The following NCAM2 variants were observed in gnomAD, a reference collection of about 807,000 sequenced individuals.
The protein encoded by NCAM2 is neural cell adhesion molecule 2, also known as N-CAM-2.
A neutral mutation model predicts 98.1 loss-of-function variants in NCAM2; 30 were observed. The observed-to-expected ratio is 0.31, with a 90% CI of 0.23 to 0.41. The LOEUF is 0.41. Among genes scored for constraint, NCAM2 ranks in the 10% least tolerant of loss-of-function variants. NCAM2 has a pLI of 1.00. For missense variants in NCAM2, 867 were observed against 1,005.8 expected, an observed-to-expected ratio of 0.86 and a Z score of 1.87; for synonymous variants, 368 against 342.4, an observed-to-expected ratio of 1.07 and a Z score of -0.83.
chr21:21,406,373 T>C (rs1465459745), intron 9 of NCAM2, among the ~76,000 whole-genome samples: 1 of 152,084 alleles, frequency 6.6e-6, no homozygotes, highest in Non-Finnish European at 1.5e-5. Flanking sequence ...CACAATTGTG[T>C]TGAATGAAGA....
intron 1 of NCAM2, among the ~76,000 whole-genome samples, chr21:21,171,171 C>T (rs931962320): frequency 1.3e-5 from 2 of 152,140 alleles, no homozygotes; most frequent in Non-Finnish European, 2.9e-5. Context: ...GGGATTATTA[C>T]TATTAAGCAG....
intron 1 of NCAM2, among the ~76,000 whole-genome samples, chr21:21,244,313 G>T (rs1038614257): frequency 1.3e-5 from 2 of 152,060 alleles, no homozygotes; most frequent in Non-Finnish European, 2.9e-5. Flanking sequence ...GTAGTAACTG[G>T]AAATGTTTAT....
At chr21:21,011,910 G>A (rs181188822) in intron 1 of NCAM2, among the ~76,000 whole-genome samples, 24 of 152,218 alleles carry the variant, frequency 1.6e-4, no homozygotes, top group Admixed American at 3.3e-4. Flanking sequence ...TCAAGGAAAT[G>A]CAAATTAAAA....
At chr21:21,127,350 G>A (rs549472437) in intron 1 of NCAM2, among the ~76,000 whole-genome samples, 211 of 151,844 alleles carry the variant, frequency 1.4e-3, no homozygotes, top group Non-Finnish European at 2.3e-3. Context: ...ATAATTGTAC[G>A]TACTTATGCA....
Position 21,530,186 on chromosome 21 carries a change from T to G in NCAM2, c.2283-4351T>G, listed in dbSNP as rs1276840015. ...TAATTTAATTTAATTATATATGATT[T>G]AATTTAATTTAATTATATATAATTT... On this transcript the variant is annotated intron_variant, in intron 16 of 17. Coordinates refer to ENST00000400546, the MANE Select transcript of NCAM2 (RefSeq NM_004540.5). Among the ~76,000 whole-genome samples the G allele has an allele frequency of 3.3e-4, 37 of 110,664 alleles. 2 individuals carry two copies. Among genetic ancestry groups the G allele is most frequent in the African/African-American group, 1.3e-3 (34 of 25,472 alleles). The allele number at this position is 110,664 out of a possible 152,430, so 72.6% of individuals were successfully genotyped here. A position where few individuals can be genotyped will look rare whatever the true frequency, so the allele number is the denominator to read the frequency against.
intron 1 of NCAM2, among the ~76,000 whole-genome samples, chr21:21,240,153 A>G (rs1013267871): frequency 6.6e-6 from 1 of 152,168 alleles, no homozygotes; most frequent in Non-Finnish European, 1.5e-5. Context: ...AAATGTTAAG[A>G]GCAAGATTTA....
chr21:21,477,585 G>T, intron 15 of NCAM2, 114 bp downstream of exon 15: 2 of 878,776 alleles, frequency 2.3e-6, no homozygotes, highest in East Asian at 2.9e-5. Flanking sequence ...GTAAATTCCA[G>T]GTTCTAATTA....
At chr21:21,359,846 A>G (rs1274981249) in intron 8 of NCAM2, among the ~76,000 whole-genome samples, 1 of 151,944 alleles carries the variant, frequency 6.6e-6, no homozygotes, top group Admixed American at 6.6e-5. Context: ...CTTAACAAAA[A>G]CAACAAATTT....
At chr21:21,145,477 G>A (rs2067252610) in intron 1 of NCAM2, among the ~76,000 whole-genome samples, 1 of 151,278 alleles carries the variant, frequency 6.6e-6, no homozygotes, top group South Asian at 2.2e-4. Context: ...ATCAAAGTAT[G>A]CAATATGTCT....
chr21:21,543,133 TACC>T lies in NCAM2; in HGVS notation c.*5179_*5181del, dbSNP rs1313624153. The T allele has an allele frequency of 1.3e-5, 2 of 151,912 alleles. No homozygotes were observed. Among genetic ancestry groups the T allele is most frequent in the Non-Finnish European group, 2.9e-5 (2 of 67,858 alleles). The allele number at this position is 151,912 out of a possible 1,614,324, so 9.4% of individuals were successfully genotyped here. On this transcript the variant is annotated 3_prime_UTR_variant, in exon 18 of 18. Coordinates refer to ENST00000400546, the MANE Select transcript of NCAM2 (RefSeq NM_004540.5). ...TCAAATTCTATATTCTTAAGTTAGCTACCACAACGTTTTCTTATTGTTTCAATA... is the reference window on the plus strand; with the variant it reads ...TCAAATTCTATATTCTTAAGTTAGCTACAACGTTTTCTTATTGTTTCAATA...
At chr21:21,357,784 A>G (rs1182801184) in intron 8 of NCAM2, among the ~76,000 whole-genome samples, 1 of 152,116 alleles carries the variant, frequency 6.6e-6, no homozygotes, top group Non-Finnish European at 1.5e-5. Flanking sequence ...TGATTCTAAG[A>G]CAAATAAAAA....
intron 12 of NCAM2, among the ~76,000 whole-genome samples, chr21:21,452,662 A>G (rs1191560094): frequency 1.8e-5 from 2 of 113,940 alleles, no homozygotes; most frequent in South Asian, 2.4e-4. Context: ...TATATATTAT[A>G]TATATTTAAT....
intron 1 of NCAM2, among the ~76,000 whole-genome samples, chr21:21,278,328 T>A (rs1204042237): frequency 6.6e-6 from 1 of 152,134 alleles, no homozygotes; most frequent in Non-Finnish European, 1.5e-5. Context: ...AAGGGCAATC[T>A]CAAATTTCTT....
chr21:21,200,736 T>G, intron 1 of NCAM2, among the ~76,000 whole-genome samples: 2 of 116,612 alleles, frequency 1.7e-5, no homozygotes, highest in South Asian at 2.7e-4. Flanking sequence ...TAGGTCTAAA[T>G]TAATGGGGCC....
Position 21,274,755 on chromosome 21 carries a change from G to GT in NCAM2, c.56-5821dup, listed in dbSNP as rs1568870365. Among the ~76,000 whole-genome samples, 4 of 152,236 alleles carry GT rather than the reference G, an allele frequency of 2.6e-5. 1 individual carries two copies. The East Asian group carries it at 7.7e-4, about 29-fold the overall frequency. ...ATAAAAAAAGTGCTTGTTGAAAAAT[G>GT]TTGCAGCTCGTTGTCCCAAGATCAA... On this transcript the variant is annotated intron_variant, in intron 1 of 17. Transcript: ENST00000400546.
chr21:21,322,274 G>C (rs1440274827), intron 5 of NCAM2, among the ~76,000 whole-genome samples: 1 of 152,082 alleles, frequency 6.6e-6, no homozygotes, highest in Non-Finnish European at 1.5e-5. Flanking sequence ...ACATAAAGAT[G>C]GCAGCAATAG....
At chr21:21,331,486 G>C (rs1276095533) in intron 6 of NCAM2, among the ~76,000 whole-genome samples, 1 of 41,182 alleles carries the variant, frequency 2.4e-5, no homozygotes, top group Non-Finnish European at 4.5e-5. Flanking sequence ...TTACTATCCT[G>C]GTTAGTATAT....
intron 1 of NCAM2, among the ~76,000 whole-genome samples, chr21:21,275,080 T>A (rs890341390): frequency 1.3e-5 from 2 of 152,160 alleles, no homozygotes; most frequent in Admixed American, 1.3e-4. Flanking sequence ...TAATCTCTGT[T>A]ATGATAATGA....
intron 8 of NCAM2, among the ~76,000 whole-genome samples, chr21:21,355,975 C>G (rs1323608825): frequency 3.9e-5 from 6 of 152,128 alleles, no homozygotes; most frequent in Non-Finnish European, 8.8e-5. Flanking sequence ...CACACAAATA[C>G]ACATAAATTG....
Sources: gnomAD v4.1 joint callset for allele counts (sites outside exome capture counted in the v4.1 genomes callset) on GRCh38, gnomAD v4.1.1 for gene constraint, MANE v1.5 for transcripts, NCBI Gene and HGNC (gene_info 2026-07-23, HGNC 2026-07-21) for gene names.